The following MACF1 variants were observed in gnomAD, a reference collection of about 807,000 sequenced individuals.
MACF1 encodes the protein microtubule actin crosslinking factor 1, also known as microtubule-actin cross-linking factor 1.
In MACF1, 193 loss-of-function variants were observed where a neutral mutation model predicts 854.8. The observed-to-expected ratio is 0.23, with a 90% confidence interval of 0.20 to 0.25. The LOEUF is 0.25. Among genes scored for constraint, MACF1 ranks in the 10% least tolerant of loss-of-function variants. The probability of loss-of-function intolerance (pLI) is 1.00; values close to 1 mark genes in which losing one functional copy is unlikely to be tolerated. For missense variants in MACF1, 7,722 were observed against 8,929.1 expected (o/e 0.86, Z 5.45); for synonymous variants, 3,185 against 3,226.7 (o/e 0.99, Z 0.44).
At chr1:39,168,116 A>T (rs1643901236) in intron 2 of MACF1, among the ~76,000 whole-genome samples, 1 of 152,116 alleles carries the variant, frequency 6.6e-6, no homozygotes, top group Admixed American at 6.5e-5. Flanking sequence ...AAGAGGAGAG[A>T]AGAAGCCCGT....
chr1:39,092,513 A>T (rs955194716), intron 2 of MACF1, among the ~76,000 whole-genome samples: 2 of 152,216 alleles, frequency 1.3e-5, no homozygotes, highest in Non-Finnish European at 2.9e-5. Context: ...TGGAGCTGGG[A>T]TTCAGCATTA....
Position 39,287,340 on chromosome 1 carries a change from G to T in MACF1, c.1563G>T (p.Leu521=). The change falls in exon 15 of 101, where the codon CTG becomes CTT. Residue 521 remains leucine (L), a synonymous_variant. Transcript: ENST00000564288. The part of the protein sequence containing the change: ...LVTLRLECTN[L]YRKGHFTSLE... ...CCTTGCGTCTAGAGTGTACAAACCT[G>T]TACCGGAAGGGTCATTTCACTTCAC... 2 of 1,614,090 alleles carry T rather than the reference G, an allele frequency of 1.2e-6. No individual in the cohort carries two copies. The highest frequency in any genetic ancestry group is 1.7e-6 in the Non-Finnish European group (2 of 1,180,020).
intron 2 of MACF1, chr1:39,154,057 A>G (rs1181236892): frequency 6.6e-6 from 1 of 152,154 alleles, no homozygotes; most frequent in Admixed American, 6.5e-5. Flanking sequence ...GCCTCAAAGA[A>G]AATCAGTGTA....
rs1325332961 is a variant in MACF1 at position 39,332,296 on chromosome 1, C to A, written c.5708C>A (p.Ala1903Glu). The change falls in exon 37 of 101, where the codon GCA (alanine) becomes GAA (glutamate). Residue 1903 changes from alanine (A) to glutamate (E), a missense_variant. Around this residue, in one of 15 missense-constraint regions of MACF1, gnomAD observed 1,531 missense variants for 1,601.6 expected, o/e 0.96. Transcript: ENST00000564288. ...ATTEILSWKK[A>E]IESGILDRDL... ...ACAGAGATTTTGTCCTGGAAGAAAG[C>A]AATAGAAAGTGGTATCCTGGATAGA... is the stretch of plus-strand genomic sequence containing the variant. 6.2e-7 allele frequency: 1 copy of A among 1,613,808 alleles called. No homozygotes were observed. Among genetic ancestry groups the A allele is most frequent in the Non-Finnish European group, 8.5e-7 (1 of 1,180,014 alleles).
intron 52 of MACF1, among the ~76,000 whole-genome samples, chr1:39,375,149 A>AC (rs1649605679): frequency 6.6e-6 from 1 of 151,354 alleles, no homozygotes; most frequent in Non-Finnish European, 1.5e-5. Flanking sequence ...ATTAAAAGAA[A>AC]CCATTTTGTT....
chr1:39,308,045 C>T (rs1012725388), intron 23 of MACF1, among the ~76,000 whole-genome samples: 3 of 151,326 alleles, frequency 2.0e-5, no homozygotes, highest in Admixed American at 6.6e-5. Context: ...GCTGGGACTA[C>T]AGGCATCTGC....
chr1:39,260,493 T>A (rs1477941153), intron 6 of MACF1: 1 of 152,268 alleles, frequency 6.6e-6, no homozygotes, highest in African/African-American at 2.4e-5. Flanking sequence ...GCCTCCCAAG[T>A]AGCTGGGATT....
At chr1:39,136,296 A>G (rs1186866275) in intron 2 of MACF1, among the ~76,000 whole-genome samples, 1 of 152,210 alleles carries the variant, frequency 6.6e-6, no homozygotes, top group Admixed American at 6.5e-5. Flanking sequence ...AAAGACTGCT[A>G]TCCAGCTGTG....
At chr1:39,359,120 G>T (rs1490686907) in intron 46 of MACF1, 21 bp from the exon 47 acceptor site, 4 of 1,612,872 alleles carry the variant, frequency 2.5e-6, no homozygotes, top group Middle Eastern at 1.6e-4. Context: ...TTTTTCTTTT[G>T]TTTTTTTCAT....
intron 4 of MACF1, among the ~76,000 whole-genome samples, chr1:39,253,430 C>A (rs1443398594): frequency 6.6e-6 from 1 of 151,978 alleles, no homozygotes; most frequent in Non-Finnish European, 1.5e-5. Flanking sequence ...TAATTTTTGC[C>A]TCCCATTTTG....
Position 39,380,319 on chromosome 1 carries a change from A to T in MACF1, c.13594A>T (p.Thr4532Ser), listed in dbSNP as rs1237254878. 20 of 1,613,824 alleles carry T rather than the reference A, an allele frequency of 1.2e-5. No homozygotes were observed. The highest frequency in any genetic ancestry group is 1.7e-5 in the Non-Finnish European group (20 of 1,179,826). The change falls in exon 55 of 101, where the codon ACA becomes TCA. Residue 4532 changes from threonine (T) to serine (S), a missense_variant. Coordinates refer to ENST00000564288, the MANE Select transcript of MACF1 (RefSeq NM_001394062.1). ...VKEALAGLLV[T>S]YPNSQEAENW... ...GGAAGCCCTGGCTGGATTACTGGTG[A>T]CATATCCCAACTCACAGGAAGCAGA...
chr1:39,442,198 C>T lies in MACF1; in HGVS notation c.18826C>T (p.His6276Tyr). 1.2e-6 allele frequency: 2 copies of T among 1,604,384 alleles called. No homozygotes were observed. The highest frequency in any genetic ancestry group is 1.7e-6 in the Non-Finnish European group (2 of 1,177,072). Residue 6276 changes from histidine (H) to tyrosine (Y), a missense_variant, in exon 76 of 101, where the codon CAC (histidine) becomes TAC (tyrosine). By Grantham distance (83) the His-to-Tyr change is moderately conservative. Transcript: ENST00000564288. ...GCAAATTGAGATGGAGAAGCTTAATCACCAGGGTGAACTGATGTTAAAGAA... is the reference window on the plus strand; with the variant it reads ...GCAAATTGAGATGGAGAAGCTTAATTACCAGGGTGAACTGATGTTAAAGAA... The part of the protein sequence containing the change: ...QQQIEMEKLN[H>Y]QGELMLKKAT...
chr1:39,391,953 A>G (rs1642052147), intron 58 of MACF1, among the ~76,000 whole-genome samples: 1 of 152,216 alleles, frequency 6.6e-6, no homozygotes, highest in South Asian at 2.1e-4. Flanking sequence ...TGGTGTTGAC[A>G]AGGCAAGCCT....
chr1:39,161,792 G>C (rs921451441), intron 2 of MACF1, among the ~76,000 whole-genome samples: 9 of 152,028 alleles, frequency 5.9e-5, no homozygotes, highest in Non-Finnish European at 1.2e-4. Context: ...GTGTGAACCC[G>C]GGAGGCAGAG....
In MACF1 at chr1:39,459,172, G is replaced by A; in HGVS notation, c.21283G>A (p.Ala7095Thr). 1.2e-6 allele frequency: 2 copies of A among 1,614,070 alleles called. No individual in the cohort carries two copies. The highest frequency in any genetic ancestry group is 4.5e-5 in the East Asian group (2 of 44,878). The change falls in exon 91 of 101, where the codon GCC (alanine) becomes ACC (threonine). Residue 7095 changes from alanine to threonine, a missense_variant. By Grantham distance (58) the Ala-to-Thr change is moderately conservative. This residue lies in a region of MACF1 where 729 missense variants were observed against 900.5 expected (regional missense o/e 0.81). Transcript: ENST00000564288. ...AAACCCACGGATCAACCAGCTTTCT[G>A]CCCGCTGGCAGCAGGTGTGGCTGTT... is the stretch of plus-strand genomic sequence containing the variant. ...AKNPRINQLS[A>T]RWQQVWLLAL...
intron 70 of MACF1, among the ~76,000 whole-genome samples, chr1:39,436,749 G>A (rs186047658): frequency 6.6e-6 from 1 of 152,270 alleles, no homozygotes; most frequent in Non-Finnish European, 1.5e-5. Flanking sequence ...GTTGGTTTGA[G>A]ATAGATTTTT....
At chr1:39,411,151 G>C (rs756552205) in intron 58 of MACF1, 9 of 1,613,626 alleles carry the variant, frequency 5.6e-6, no homozygotes, top group Non-Finnish European at 8.5e-7. Flanking sequence ...TTGCCTGAGT[G>C]AAGAGCTGTT....
intron 58 of MACF1, chr1:39,410,196 A>C: frequency 8.9e-7 from 1 of 1,122,642 alleles, no homozygotes; most frequent in Non-Finnish European, 1.3e-6. Flanking sequence ...TAACTTATGT[A>C]GAATGCATTT....
At chr1:39,159,648 T>C (rs1459761762) in intron 2 of MACF1, among the ~76,000 whole-genome samples, 1 of 152,248 alleles carries the variant, frequency 6.6e-6, no homozygotes, top group African/African-American at 2.4e-5. Flanking sequence ...GAGAAGAATG[T>C]ACTCAGATGT....
Sources: gnomAD v4.1 joint callset for allele counts (sites outside exome capture counted in the v4.1 genomes callset) on GRCh38, gnomAD v4.1.1 for gene constraint, gnomAD v4.1.1 regional missense constraint, MANE v1.5 for transcripts, NCBI Gene and HGNC (gene_info 2026-07-23, HGNC 2026-07-21) for gene names.